GOLGA4: variants seen among roughly 807,000 people sequenced by gnomAD.
GOLGA4 encodes the protein golgin A4.
In GOLGA4, 169 loss-of-function variants were observed where a neutral mutation model predicts 265.9. The ratio of observed to expected loss-of-function variants is 0.64; its 90% CI spans 0.56 to 0.72. The LOEUF is 0.72. Ranked by LOEUF, GOLGA4 falls within the 30% of genes least tolerant of loss-of-function variation. The pLI, the probability that GOLGA4 is intolerant of heterozygous loss-of-function variation, is 0.00. For synonymous variants in GOLGA4, 923 were observed against 855.8 expected (o/e 1.08, Z -1.37); for missense variants, 2,482 against 2,483.4 (o/e 1.00, Z 0.01).
At chr3:37,301,739 T>C (rs116163027) in intron 9 of GOLGA4, among the ~76,000 whole-genome samples, 2,116 of 152,284 alleles carry the variant, frequency 0.014, 47 homozygotes, top group African/African-American at 0.049. Context: ...ATTGTTATGC[T>C]GTACTTAGCA....
chr3:37,293,768 C>A (rs2096870897), intron 5 of GOLGA4, among the ~76,000 whole-genome samples: 1 of 152,172 alleles, frequency 6.6e-6, no homozygotes, highest in South Asian at 2.1e-4. Flanking sequence ...GCAGGTATAG[C>A]TGAGAAAAGC....
At position 37,279,629 on chromosome 3, in the gene GOLGA4, C is replaced by T. The variant is rs140990772; in HGVS notation, c.163-2329C>T. ...AATGTTAAAAAGTCCTGCAGAGGCC[C>T]AGCGTGTTGGCTCACACCTGTAATA... On this transcript the variant is annotated intron_variant, in intron 2 of 23. Transcript: ENST00000361924. Among the ~76,000 whole-genome samples the T allele has an allele frequency of 2.0e-5, 3 of 152,224 alleles. No homozygotes were observed. The East Asian group carries it at 5.8e-4, about 29-fold the overall frequency.
chr3:37,328,565 C>T (rs771396917), intron 15 of GOLGA4, 28 bp downstream of exon 15: 1 of 1,585,882 alleles, frequency 6.3e-7, no homozygotes, highest in Middle Eastern at 1.7e-4. Context: ...CCATAAGGAA[C>T]AATTATATCA....
intron 2 of GOLGA4, among the ~76,000 whole-genome samples, chr3:37,272,890 A>T (rs1476672726): frequency 2.0e-5 from 3 of 152,198 alleles, no homozygotes; most frequent in Non-Finnish European, 4.4e-5. Flanking sequence ...AACCTCAAAG[A>T]ATCTCATCTA....
intron 20 of GOLGA4, chr3:37,341,717 T>C (rs2097034934): frequency 6.6e-6 from 1 of 152,216 alleles, no homozygotes; most frequent in Non-Finnish European, 1.5e-5. Flanking sequence ...GGGTCAGGCC[T>C]GGTTACTACT....
Position 37,324,446 on chromosome 3 carries a change from A to G in GOLGA4, c.2560A>G (p.Thr854Ala), listed in dbSNP as rs1368844564. 2 of 1,614,090 alleles carry G rather than the reference A, an allele frequency of 1.2e-6. No homozygotes were observed. The highest frequency in any genetic ancestry group is 4.5e-5 in the East Asian group (2 of 44,900). ...TGAAGCACAAAAGAAAGATGTTTGT[A>G]CTGAGTTAGATGCTCACAAAATCCA... ...EVEAQKKDVC[T>A]ELDAHKIQVQ... is the part of the protein sequence containing the mutation. The change falls in exon 14 of 24, where the codon ACT becomes GCT. Residue 854 changes from threonine (T) to alanine (A), a missense_variant. By Grantham distance (58) the Thr-to-Ala change is moderately conservative. This residue lies in a region of GOLGA4 where 1,536 missense variants were observed against 1,483.7 expected (regional missense o/e 1.04). Transcript: ENST00000361924.
At chr3:37,248,553 G>T (rs2096725677) in intron 1 of GOLGA4, among the ~76,000 whole-genome samples, 1 of 152,164 alleles carries the variant, frequency 6.6e-6, no homozygotes, top group Non-Finnish European at 1.5e-5. Flanking sequence ...TTTATGCACT[G>T]TTATATACTT....
Position 37,366,563 on chromosome 3 carries a change from G to A in GOLGA4, c.*517G>A, listed in dbSNP as rs926483587. 2.6e-5 allele frequency: 4 copies of A among 153,936 alleles called. No homozygotes were observed. Among genetic ancestry groups the A allele is most frequent in the South Asian group, 2.1e-4 (1 of 4,832 alleles). The allele number at this position is 153,936 out of a possible 1,614,324, so 9.5% of individuals were successfully genotyped here. A position where few individuals can be genotyped will look rare whatever the true frequency, so the allele number is the denominator to read the frequency against. On this transcript the variant is annotated 3_prime_UTR_variant, in exon 24 of 24. Transcript: ENST00000361924. The stretch of plus-strand genomic sequence containing the variant: ...GCTAAAGACCAGTTCTTTAAGCTAA[G>A]ACATGTAAAAAATCCCAAATGGCAG...
intron 16 of GOLGA4, among the ~76,000 whole-genome samples, chr3:37,329,650 TACTC>T (rs1355294364): frequency 3.3e-5 from 5 of 152,216 alleles, no homozygotes; most frequent in African/African-American, 1.2e-4. Flanking sequence ...TCAAAATACT[TACTC>T]TACTAATGCC....
At position 37,366,565 on chromosome 3, in the gene GOLGA4, C is replaced by G. The variant is rs371419126; in HGVS notation, c.*519C>G. On this transcript the variant is annotated 3_prime_UTR_variant, in exon 24 of 24. Coordinates refer to ENST00000361924, the MANE Select transcript of GOLGA4 (RefSeq NM_002078.5). Reference sequence around the variant, plus strand: ...TAAAGACCAGTTCTTTAAGCTAAGACATGTAAAAAATCCCAAATGGCAGTA... The same window carrying G: ...TAAAGACCAGTTCTTTAAGCTAAGAGATGTAAAAAATCCCAAATGGCAGTA... The G allele has an allele frequency of 6.5e-6, 1 of 153,830 alleles. No individual in the cohort carries two copies. The highest frequency in any genetic ancestry group is 1.9e-4 in the East Asian group (1 of 5,224). The allele number at this position is 153,830 out of a possible 1,614,324, so 9.5% of individuals were successfully genotyped here. A position where few individuals can be genotyped will look rare whatever the true frequency, so the allele number is the denominator to read the frequency against.
intron 4 of GOLGA4, among the ~76,000 whole-genome samples, chr3:37,286,413 A>G (rs1445665217): frequency 6.6e-6 from 1 of 151,386 alleles, no homozygotes; most frequent in Non-Finnish European, 1.5e-5. Flanking sequence ...TCGGCCTCCC[A>G]AAGTGCTGGG....
intron 2 of GOLGA4, among the ~76,000 whole-genome samples, chr3:37,264,437 A>C (rs1286790793): frequency 1.3e-5 from 2 of 152,170 alleles, no homozygotes. Flanking sequence ...AATTTAGTGT[A>C]AAGTTAATTG....
intron 1 of GOLGA4, chr3:37,245,429 G>A (rs925095517): frequency 1.3e-5 from 2 of 152,210 alleles, no homozygotes; most frequent in African/African-American, 2.4e-5. Flanking sequence ...CAGGTAAAAT[G>A]TGATCCCAGT....
chr3:37,279,774 G>A (rs2096829745), intron 2 of GOLGA4, among the ~76,000 whole-genome samples: 1 of 152,056 alleles, frequency 6.6e-6, no homozygotes, highest in Non-Finnish European at 1.5e-5. Context: ...TGGTGTGGTG[G>A]CACATGCCTG....
chr3:37,295,516 G>A (rs2150838346), intron 6 of GOLGA4, among the ~76,000 whole-genome samples: 2 of 152,326 alleles, frequency 1.3e-5, no homozygotes, highest in South Asian at 4.1e-4. Flanking sequence ...ACCACTCCTA[G>A]CTCTTCAGTT....
rs867837438 is a variant in GOLGA4, at chr3:37,362,482, C to T, written c.*33+1177C>T. ...GTCTCGATCTCCTGACCTCGTGATC[C>T]GCCCGCCTCGGCCTCCCAAAGTGCT... On this transcript the variant is annotated intron_variant, in intron 23 of 23. Transcript: ENST00000361924. 1.9e-4 allele frequency among the ~76,000 whole-genome samples: 28 copies of T among 151,160 alleles called. No homozygotes were observed. The East Asian group carries it at 2.6e-3, about 14-fold the overall frequency.
At position 37,251,414 on chromosome 3, in the gene GOLGA4, C is replaced by T. The variant is rs763136721; in HGVS notation, c.92C>T (p.Thr31Ile). The change falls in exon 2 of 24, where the codon ACA becomes ATA. Residue 31 changes from threonine (T) to isoleucine (I), a missense_variant. Around this residue, in one of 3 missense-constraint regions of GOLGA4, gnomAD observed 1,536 missense variants for 1,483.7 expected, o/e 1.04. Transcript: ENST00000361924. ...APAQASSNSSTPTRMRSRTSS... is the reference protein window; with the variant it reads ...APAQASSNSSIPTRMRSRTSS... ...ATCTAGGCGTCCTCCAATTCTTCAACACCAACAAGAATGAGGAGCAGGACA... is the reference window on the plus strand; with the variant it reads ...ATCTAGGCGTCCTCCAATTCTTCAATACCAACAAGAATGAGGAGCAGGACA... The T allele has an allele frequency of 1.2e-5, 20 of 1,611,456 alleles. No individual in the cohort carries two copies. In the South Asian group the frequency reaches 2.0e-4, roughly 16 times the overall value.
At chr3:37,352,163 C>T (rs1216050126) in intron 21 of GOLGA4, among the ~76,000 whole-genome samples, 1 of 151,990 alleles carries the variant, frequency 6.6e-6, no homozygotes, top group Non-Finnish European at 1.5e-5. Flanking sequence ...CTTCTCACGG[C>T]TGCTAATAAA....
intron 16 of GOLGA4, among the ~76,000 whole-genome samples, chr3:37,330,397 A>G (rs1455225607): frequency 6.6e-6 from 1 of 152,168 alleles, no homozygotes; most frequent in African/African-American, 2.4e-5. Context: ...ATTCATTTGC[A>G]GGGAGTAAAT....
Sources: allele counts gnomAD v4.1 joint callset (sites outside exome capture counted in the v4.1 genomes callset), GRCh38; gene constraint gnomAD v4.1.1; regional missense constraint gnomAD v4.1.1; transcripts MANE v1.5; gene names NCBI Gene and HGNC (gene_info 2026-07-23, HGNC 2026-07-21).